Variants in TRPM1 observed in about 807,000 individuals in gnomAD.
TRPM1 encodes transient receptor potential cation channel subfamily M member 1.
A neutral mutation model predicts 149.4 loss-of-function variants in TRPM1; 113 were observed. That is an observed-to-expected ratio of 0.76 (90% confidence interval 0.65 to 0.88). The LOEUF (loss-of-function observed/expected upper bound fraction) is 0.88, where lower values mean the gene tolerates loss of function less well. TRPM1 is among the 40% of genes least tolerant of loss of function. The pLI is 0.00. For missense variants in TRPM1, 1,976 were observed against 2,038.7 expected (o/e 0.97, Z 0.59); for synonymous variants, 741 against 759.5 (o/e 0.98, Z 0.40).
At chr15:31,091,967 G>C (rs933823037) in intron 1 of TRPM1, among the ~76,000 whole-genome samples, 2 of 152,214 alleles carry the variant, frequency 1.3e-5, no homozygotes, top group African/African-American at 4.8e-5. Context: ...CCTCTTACGA[G>C]GTGGGCTCTG....
chr15:31,028,281 A>G lies in TRPM1; in HGVS notation c.3293+51T>C, dbSNP rs1301766583. On this transcript the variant is annotated intron_variant, in intron 25 of 27. Coordinates refer to ENST00000256552, the MANE Select transcript of TRPM1 (RefSeq NM_001252024.2). ...GGAGCGTTCTGAGATTAAATGGAAA[A>G]TCTGTACAGTAATAAATAATAAGCA... is the stretch of plus-strand genomic sequence containing the variant. 3.7e-6 allele frequency: 6 copies of G among 1,611,670 alleles called. No homozygotes were observed. The African/African-American group carries it at 4.0e-5, about 11-fold the overall frequency.
At chr15:31,090,426 C>G (rs1281060899) in intron 1 of TRPM1, among the ~76,000 whole-genome samples, 1 of 152,118 alleles carries the variant, frequency 6.6e-6, no homozygotes, top group Non-Finnish European at 1.5e-5. Context: ...GTCACGAGGT[C>G]AGGGATTCAA....
chr15:31,113,816 A>G lies in TRPM1; in HGVS notation c.55-36832T>C, dbSNP rs542381188. Among the ~76,000 whole-genome samples the G allele has an allele frequency of 2.6e-5, 4 of 152,240 alleles. No homozygotes were observed. The South Asian group carries it at 6.2e-4, about 24-fold the overall frequency. ...AGGACCCACAGTTAGCAACAGCAAG[A>G]TTTATTGTGAAGATGTGAACAGCAA... On this transcript the variant is annotated intron_variant, in intron 1 of 26. Coordinates refer to the TRPM1 transcript ENST00000542188.
intron 11 of TRPM1, among the ~76,000 whole-genome samples, chr15:31,058,092 G>A (rs2034130811): frequency 6.6e-6 from 1 of 151,886 alleles, no homozygotes; most frequent in Admixed American, 6.6e-5. Flanking sequence ...ACTAGTATAA[G>A]CCTCAACATT....
chr15:31,045,343 G>C (rs1284979080), intron 16 of TRPM1, among the ~76,000 whole-genome samples: 1 of 152,124 alleles, frequency 6.6e-6, no homozygotes, highest in Non-Finnish European at 1.5e-5. Context: ...TTGTTCTTAC[G>C]GTTGCTAGTA....
chr15:31,087,742 C>T (rs1219173960), intron 1 of TRPM1, among the ~76,000 whole-genome samples: 1 of 151,972 alleles, frequency 6.6e-6, no homozygotes, highest in African/African-American at 2.4e-5. Context: ...GAGGACATGG[C>T]GATAAGTGAA....
chr15:31,151,016 T>C (rs751075666), intron 1 of TRPM1, among the ~76,000 whole-genome samples: 8 of 152,102 alleles, frequency 5.3e-5, no homozygotes, highest in East Asian at 1.9e-4. Flanking sequence ...CCAGCCCACA[T>C]TGGTTTCTTG....
intron 7 of TRPM1, among the ~76,000 whole-genome samples, chr15:31,064,527 A>G (rs1452382433): frequency 2.0e-5 from 3 of 152,190 alleles, no homozygotes; most frequent in Non-Finnish European, 4.4e-5. Context: ...TTTATGCCAC[A>G]CTGGCCATGA....
intron 1 of TRPM1, among the ~76,000 whole-genome samples, chr15:31,091,967 G>A (rs933823037): frequency 6.6e-6 from 1 of 152,214 alleles, no homozygotes; most frequent in African/African-American, 2.4e-5. Flanking sequence ...CCTCTTACGA[G>A]GTGGGCTCTG....
intron 27 of TRPM1, among the ~76,000 whole-genome samples, chr15:31,008,858 C>T (rs2032085541): frequency 1.3e-5 from 2 of 152,162 alleles, no homozygotes; most frequent in Admixed American, 6.5e-5. Context: ...CTTTGTGCTG[C>T]AGTTGTCATA....
chr15:31,020,390 C>T (rs1470571219), intron 27 of TRPM1, among the ~76,000 whole-genome samples: 3 of 152,200 alleles, frequency 2.0e-5, no homozygotes, highest in Non-Finnish European at 2.9e-5. Context: ...GGTTTTTGGG[C>T]GCATGGCCTC....
intron 1 of TRPM1, among the ~76,000 whole-genome samples, chr15:31,118,232 T>A (rs891635145): frequency 6.6e-6 from 1 of 152,136 alleles, no homozygotes; most frequent in Non-Finnish European, 1.5e-5. Flanking sequence ...CACTCCAGCC[T>A]GGGTGACAGA....
intron 1 of TRPM1, among the ~76,000 whole-genome samples, chr15:31,132,836 T>C (rs1220561555): frequency 1.3e-5 from 2 of 152,192 alleles, no homozygotes; most frequent in Admixed American, 1.3e-4. Flanking sequence ...CTGATGGTTT[T>C]ATAAAGGGCA....
chr15:31,066,127 T>C lies in TRPM1; in HGVS notation c.739A>G (p.Lys247Glu). ...TGCTTTTCCAGCAGCCTTCGCAGCT[T>C]CACCTCGGCGCCATACTTGCCCAGG... ...GTLGKYGAEV[K>E]LRRLLEKHIS... is the part of the protein sequence containing the mutation. Residue 247 changes from lysine (K) to glutamate (E), a missense_variant, in exon 7 of 28, where the codon AAG becomes GAG. Physicochemically the swap from Lys to Glu is moderately conservative, Grantham distance 56. This residue lies in a region of TRPM1 where 1,332 missense variants were observed against 1,347.1 expected (regional missense o/e 0.99). Coordinates refer to ENST00000256552, the MANE Select transcript of TRPM1 (RefSeq NM_001252024.2). The C allele has an allele frequency of 6.2e-7, 1 of 1,614,188 alleles. No homozygotes were observed. The highest frequency in any genetic ancestry group is 2.2e-5 in the East Asian group (1 of 44,888).
At chr15:31,109,333 C>CAAAAAAAAAAAA (rs36072024) in intron 1 of TRPM1, among the ~76,000 whole-genome samples, 18 of 32,300 alleles carry the variant, frequency 5.6e-4, no homozygotes, top group South Asian at 2.3e-3. Flanking sequence ...GACTCTGCCT[C>CAAAAAAAAAAAA]AAAAAAAAAA....
intron 7 of TRPM1, among the ~76,000 whole-genome samples, chr15:31,064,555 C>CTATT (rs2140958761): frequency 6.6e-6 from 1 of 152,320 alleles, no homozygotes; most frequent in African/African-American, 2.4e-5. Context: ...CACTCTGAGC[C>CTATT]TATTTCACCA....
At chr15:31,073,203 A>G (rs901132421) in intron 3 of TRPM1, among the ~76,000 whole-genome samples, 5 of 152,146 alleles carry the variant, frequency 3.3e-5, no homozygotes, top group Non-Finnish European at 5.9e-5. Flanking sequence ...AGGGTCCAAG[A>G]CTATTCTTTT....
At chr15:31,021,853 C>T (rs2032562295) in intron 27 of TRPM1, among the ~76,000 whole-genome samples, 1 of 152,064 alleles carries the variant, frequency 6.6e-6, no homozygotes, top group Non-Finnish European at 1.5e-5. Flanking sequence ...ACAAGGCCAA[C>T]TACACTTAAA....
At chr15:31,042,854 C>T (rs374764371) in intron 16 of TRPM1, among the ~76,000 whole-genome samples, 1 of 152,200 alleles carries the variant, frequency 6.6e-6, no homozygotes, top group South Asian at 2.1e-4. Flanking sequence ...GTGAATGGAT[C>T]AGGATTCATA....
Sources: gnomAD v4.1 joint callset for allele counts (sites outside exome capture counted in the v4.1 genomes callset) on GRCh38, gnomAD v4.1.1 for gene constraint, gnomAD v4.1.1 regional missense constraint, MANE v1.5 for transcripts, NCBI Gene and HGNC (gene_info 2026-07-23, HGNC 2026-07-21) for gene names.